The following NOX4 variants were observed in gnomAD, a reference collection of about 807,000 sequenced individuals.
The protein encoded by NOX4 is kidney oxidase-1.
Under a neutral mutation model 87.6 loss-of-function variants are expected in NOX4, and 69 were observed. The ratio of observed to expected loss-of-function variants is 0.79; its 90% CI spans 0.65 to 0.96. NOX4 has a LOEUF of 0.96. NOX4 is among the 40% of genes least tolerant of loss of function. The pLI, the probability that NOX4 is intolerant of heterozygous loss-of-function variation, is 0.00. For missense variants in NOX4, 680 were observed against 681.5 expected (o/e 1.00, Z 0.02); for synonymous variants, 275 against 238.2 (o/e 1.15, Z -1.42).
In NOX4 at chr11:89,409,403, T is replaced by A. The variant is rs180736357; in HGVS notation, c.630-6861A>T. On this transcript the variant is annotated intron_variant, in intron 8 of 17. Transcript: ENST00000263317. ...AAAATAAACTCGCAGTTTGGAAGTT[T>A]AAGAAAATCCATTAATATATACAAC... Among the ~76,000 whole-genome samples the A allele has an allele frequency of 3.7e-3, 565 of 152,272 alleles. 5 individuals carry two copies. Among genetic ancestry groups the A allele is most frequent in the African/African-American group, 0.013 (532 of 41,570 alleles).
chr11:89,438,857 AT>A, intron 6 of NOX4, among the ~76,000 whole-genome samples: 1 of 9,428 alleles, frequency 1.1e-4, no homozygotes, highest in South Asian at 2.2e-3. Flanking sequence ...TATATAATAT[AT>A]TATATATTAT....
chr11:89,485,041 CAG>C (rs1386946144), intron 2 of NOX4, among the ~76,000 whole-genome samples: 1 of 152,084 alleles, frequency 6.6e-6, no homozygotes, highest in Non-Finnish European at 1.5e-5. Context: ...TCCATTTGTC[CAG>C]AGACTCCAGT....
chr11:89,347,215 G>A (rs1946252275), intron 13 of NOX4, among the ~76,000 whole-genome samples: 1 of 152,170 alleles, frequency 6.6e-6, no homozygotes, highest in South Asian at 2.1e-4. Context: ...ACAAGGGAAA[G>A]GGCTCCTTCC....
intron 11 of NOX4, among the ~76,000 whole-genome samples, chr11:89,385,444 C>A (rs1322771245): frequency 6.6e-6 from 1 of 152,148 alleles, no homozygotes; most frequent in African/African-American, 2.4e-5. Flanking sequence ...ACCTACTCCC[C>A]CACTGAAACT....
the NOX4 span, among the ~76,000 whole-genome samples, chr11:89,569,485 G>T: frequency 0.53 from 80,291 of 151,864 alleles, 22,204 homozygotes; most frequent in African/African-American, 0.69. Flanking sequence ...ATTAGAGAAA[G>T]GCAAATCAGA....
chr11:89,375,315 T>C (rs1383295060), intron 11 of NOX4, among the ~76,000 whole-genome samples: 3 of 152,210 alleles, frequency 2.0e-5, no homozygotes, highest in Admixed American at 6.5e-5. Context: ...TTTGTTGTTG[T>C]TGTTGTTGAT....
At chr11:89,585,820 T>C in the NOX4 span, among the ~76,000 whole-genome samples, 1 of 152,220 alleles carries the variant, frequency 6.6e-6, no homozygotes, top group Admixed American at 6.6e-5. Context: ...TACCAATTTC[T>C]TGGTCACTCC....
chr11:89,571,681 T>C, the NOX4 span, among the ~76,000 whole-genome samples: 2,368 of 134,404 alleles, frequency 0.018, 60 homozygotes, highest in African/African-American at 0.064. Context: ...CATGCATTGT[T>C]TACTTTTGTG....
At chr11:89,559,888 AC>A in the NOX4 span, among the ~76,000 whole-genome samples, 1 of 152,092 alleles carries the variant, frequency 6.6e-6, no homozygotes, top group Non-Finnish European at 1.5e-5. Flanking sequence ...AAAGCTTGAT[AC>A]GTTAAACCCA....
intron 12 of NOX4, among the ~76,000 whole-genome samples, chr11:89,372,729 A>C (rs925829313): frequency 6.6e-6 from 1 of 151,960 alleles, no homozygotes; most frequent in African/African-American, 2.4e-5. Context: ...AGAATATTTA[A>C]ATTTACTTTT....
chr11:89,573,259 T>G, the NOX4 span, among the ~76,000 whole-genome samples: 1 of 152,252 alleles, frequency 6.6e-6, no homozygotes, highest in Non-Finnish European at 1.5e-5. Flanking sequence ...TGCTTTTGGC[T>G]GGGCATGGTG....
intron 4 of NOX4, among the ~76,000 whole-genome samples, chr11:89,446,289 T>C (rs1591277525): frequency 6.6e-6 from 1 of 152,084 alleles, no homozygotes; most frequent in East Asian, 1.9e-4. Flanking sequence ...TACAGCCATA[T>C]TGGAAGTGAG....
Position 89,483,884 on chromosome 11 carries a change from T to C in NOX4, c.153+6574A>G, listed in dbSNP as rs374264323. 1.2e-4 allele frequency among the ~76,000 whole-genome samples: 19 copies of C among 152,238 alleles called. No homozygotes were observed. In the East Asian group the frequency reaches 1.9e-3, roughly 15 times the overall value. On this transcript the variant is annotated intron_variant, in intron 2 of 17. Transcript: ENST00000263317. ...AATAAATACAATTGGCATTTGTCAA[T>C]TAAAATTTTATAAAACAAGAATACA... is the stretch of plus-strand genomic sequence containing the variant.
intron 2 of NOX4, among the ~76,000 whole-genome samples, chr11:89,459,064 T>C (rs1019367124): frequency 1.3e-5 from 2 of 152,130 alleles, no homozygotes. Flanking sequence ...TAAATGCTCA[T>C]TAATGACAGA....
intron 12 of NOX4, among the ~76,000 whole-genome samples, chr11:89,365,055 C>T (rs1173288350): frequency 1.3e-5 from 2 of 152,106 alleles, no homozygotes; most frequent in African/African-American, 4.8e-5. Context: ...TCCCCTCCCT[C>T]CTTTTACTTT....
chr11:89,504,188 T>C, the NOX4 span, among the ~76,000 whole-genome samples: 23 of 151,852 alleles, frequency 1.5e-4, no homozygotes, highest in African/African-American at 3.6e-4. Context: ...AGCAAATTCA[T>C]TGTGGTGGAA....
the NOX4 span, among the ~76,000 whole-genome samples, chr11:89,553,876 CTTT>C: frequency 8.0e-4 from 112 of 139,894 alleles, no homozygotes; most frequent in Non-Finnish European, 8.0e-4. Context: ...AAACAAACAT[CTTT>C]TTTTTTTTTT....
At chr11:89,351,288 A>G (rs1453427440) in intron 13 of NOX4, among the ~76,000 whole-genome samples, 1 of 152,224 alleles carries the variant, frequency 6.6e-6, no homozygotes, top group Non-Finnish European at 1.5e-5. Flanking sequence ...AAGCTGCAGA[A>G]GAAAAGTCTG....
At chr11:89,537,333 A>T in the NOX4 span, among the ~76,000 whole-genome samples, 2 of 151,968 alleles carry the variant, frequency 1.3e-5, no homozygotes. Context: ...AGGTGTTTTA[A>T]TTTAAAAAGC....
Sources: allele counts gnomAD v4.1 joint callset (sites outside exome capture counted in the v4.1 genomes callset), GRCh38; gene constraint gnomAD v4.1.1; transcripts MANE v1.5; gene names NCBI Gene and HGNC (gene_info 2026-07-23, HGNC 2026-07-21).